Variants in PROKR1 observed in about 807,000 individuals in gnomAD.
The protein encoded by PROKR1 is prokineticin receptor 1.
PROKR1 carries 21 observed loss-of-function variants against 22.8 expected under a neutral mutation model. That is an observed-to-expected ratio of 0.92 (90% CI 0.65 to 1.32). The LOEUF (loss-of-function observed/expected upper bound fraction) is 1.32. Among genes scored for constraint, PROKR1 ranks in the 40% most tolerant of loss-of-function variants. PROKR1 has a pLI of 0.00. For missense variants in PROKR1, 548 were observed against 514.2 expected, an observed-to-expected ratio of 1.07 and a Z score of -0.64; for synonymous variants, 193 against 207.5, an observed-to-expected ratio of 0.93 and a Z score of 0.60.
At chr2:68,652,972 T>C (rs1211898375) in intron 2 of PROKR1, among the ~76,000 whole-genome samples, 2 of 152,238 alleles carry the variant, frequency 1.3e-5, no homozygotes, top group African/African-American at 2.4e-5. Context: ...AATTATGTGG[T>C]GAAAATTCTT....
At position 68,655,654 on chromosome 2, in the gene PROKR1, C is replaced by T; in HGVS notation, c.*78C>T. On this transcript the variant is annotated 3_prime_UTR_variant, in exon 3 of 3. Transcript: ENST00000303786. The stretch of plus-strand genomic sequence containing the variant: ...CTAGTGTGCTTGGATGCACATCAAC[C>T]TGGAACTTTTTGTTTGCTGCAGAGG... The T allele has an allele frequency of 7.0e-7, 1 of 1,419,758 alleles. No homozygotes were observed. Among genetic ancestry groups the T allele is most frequent in the Non-Finnish European group, 9.8e-7 (1 of 1,024,524 alleles). The allele number at this position is 1,419,758 out of a possible 1,614,324, so 87.9% of individuals were successfully genotyped here.
At position 68,655,040 on chromosome 2, in the gene PROKR1, T is replaced by G; in HGVS notation, c.646T>G (p.Phe216Val). The change falls in exon 3 of 3, where the codon TTC (phenylalanine) becomes GTC (valine). Residue 216 changes from phenylalanine (F) to valine (V), a missense_variant. By Grantham distance (50) the Phe-to-Val change is conservative. Coordinates refer to ENST00000303786, the MANE Select transcript of PROKR1 (RefSeq NM_138964.4). ...LVIVKSQEKI[F>V]CGQIWPVDQQ... ...CATTGTCAAGAGCCAGGAAAAGATC[T>G]TCTGCGGCCAGATCTGGCCTGTGGA... is the stretch of plus-strand genomic sequence containing the variant. 6.2e-7 allele frequency: 1 copy of G among 1,613,710 alleles called. No homozygotes were observed. Among genetic ancestry groups the G allele is most frequent in the Non-Finnish European group, 8.5e-7 (1 of 1,179,960 alleles).
intron 2 of PROKR1, among the ~76,000 whole-genome samples, chr2:68,653,379 T>C: frequency 6.6e-6 from 1 of 151,560 alleles, no homozygotes; most frequent in East Asian, 1.9e-4. Flanking sequence ...TAGGCTTGAC[T>C]GCCCAGGCTG....
intron 2 of PROKR1, among the ~76,000 whole-genome samples, chr2:68,647,051 AAAATAAAT>A (rs1219922790): frequency 6.6e-6 from 1 of 152,158 alleles, no homozygotes; most frequent in South Asian, 2.1e-4. Flanking sequence ...TTGTCTCTAA[AAAATAAAT>A]AAATAAATAA....
At chr2:68,650,516 G>A (rs1327495706) in intron 2 of PROKR1, among the ~76,000 whole-genome samples, 1 of 152,188 alleles carries the variant, frequency 6.6e-6, no homozygotes, top group African/African-American at 2.4e-5. Flanking sequence ...TTACAGGTGT[G>A]AGCCACTGTG....
intron 2 of PROKR1, among the ~76,000 whole-genome samples, chr2:68,648,276 G>A (rs1673234925): frequency 6.6e-6 from 1 of 152,172 alleles, no homozygotes; most frequent in South Asian, 2.1e-4. Flanking sequence ...GAACATGTAA[G>A]AGTGATATCT....
intron 1 of PROKR1, among the ~76,000 whole-genome samples, chr2:68,644,850 C>T (rs1240876217): frequency 6.6e-6 from 1 of 152,124 alleles, no homozygotes; most frequent in Non-Finnish European, 1.5e-5. Flanking sequence ...ACCCCTCACC[C>T]CAGCCCCATT....
In PROKR1 at chr2:68,646,054, T is replaced by C. The variant is rs1266802523; in HGVS notation, c.233T>C (p.Ile78Thr). The C allele has an allele frequency of 1.2e-6, 2 of 1,614,158 alleles. No individual in the cohort carries two copies. Among genetic ancestry groups the C allele is most frequent in the African/African-American group, 2.7e-5 (2 of 74,942 alleles). The change falls in exon 2 of 3, where the codon ATT becomes ACT. Residue 78 changes from isoleucine (I) to threonine (T), a missense_variant. Ile to Thr is a moderately conservative substitution (Grantham distance 89). Transcript: ENST00000303786. Reference sequence around the variant, plus strand: ...GTGGGCATCATGCTGGTCTGCGGCATTGGAAACTTCATCTTTATCGCTGCC... The same window carrying C: ...GTGGGCATCATGCTGGTCTGCGGCACTGGAAACTTCATCTTTATCGCTGCC... Reference protein sequence around the residue: ...ALVGIMLVCGIGNFIFIAALV... With the variant: ...ALVGIMLVCGTGNFIFIAALV...
intron 2 of PROKR1, among the ~76,000 whole-genome samples, chr2:68,647,834 G>A (rs1333743954): frequency 6.6e-6 from 1 of 151,848 alleles, no homozygotes; most frequent in Non-Finnish European, 1.5e-5. Context: ...TTACCTGGAG[G>A]CCAAATTCCC....
rs927884549 is a variant in PROKR1, at chr2:68,655,783, A to G, written c.*207A>G. 18 of 610,324 alleles carry G rather than the reference A, an allele frequency of 2.9e-5. No homozygotes were observed. The highest frequency in any genetic ancestry group is 8.5e-5 in the Admixed American group (3 of 35,472). 37.8% of individuals were successfully genotyped at this position (610,324 alleles called of 1,614,324 possible). A position where few individuals can be genotyped will look rare whatever the true frequency, so the allele number is the denominator to read the frequency against. On this transcript the variant is annotated 3_prime_UTR_variant, in exon 3 of 3. Transcript: ENST00000303786. ...CAACAGTGGCATTTGCTGAATGTCT[A>G]ATTTACACGCCAGTAGGTACTGGTA...
chr2:68,645,480 C>A (rs1673155791), intron 1 of PROKR1, among the ~76,000 whole-genome samples, 182 bp from the exon 2 acceptor site: 1 of 152,214 alleles, frequency 6.6e-6, no homozygotes, highest in African/African-American at 2.4e-5. Flanking sequence ...TAGCAATCCA[C>A]CCTTCCCTAA....
intron 2 of PROKR1, among the ~76,000 whole-genome samples, chr2:68,654,655 G>A (rs542855570): frequency 6.6e-5 from 10 of 152,048 alleles, no homozygotes; most frequent in South Asian, 2.1e-4. Flanking sequence ...AAAAATTAGC[G>A]CGTGTGGTGC....
intron 2 of PROKR1, among the ~76,000 whole-genome samples, chr2:68,647,745 C>T (rs193014198): frequency 2.6e-5 from 4 of 152,278 alleles, no homozygotes; most frequent in African/African-American, 9.6e-5. Context: ...CTTGGTCTGT[C>T]CCCGTAGATC....
intron 2 of PROKR1, among the ~76,000 whole-genome samples, chr2:68,651,625 T>A (rs1183073909): frequency 6.6e-6 from 1 of 152,166 alleles, no homozygotes; most frequent in Non-Finnish European, 1.5e-5. Context: ...GGTGAGCTCA[T>A]TAGTCAGGGC....
chr2:68,655,660 C>CT lies in PROKR1; in HGVS notation c.*89dup. On this transcript the variant is annotated 3_prime_UTR_variant, in exon 3 of 3. Transcript: ENST00000303786. ...TGCTTGGATGCACATCAACCTGGAA[C>CT]TTTTTGTTTGCTGCAGAGGGTAAAG... is the stretch of plus-strand genomic sequence containing the variant. 8 of 1,368,328 alleles carry CT rather than the reference C, an allele frequency of 5.8e-6. No individual in the cohort carries two copies. The highest frequency in any genetic ancestry group is 8.1e-6 in the Non-Finnish European group (8 of 981,624). 84.8% of individuals were successfully genotyped at this position (1,368,328 alleles called of 1,614,324 possible).
chr2:68,646,993 A>T (rs757028083), intron 2 of PROKR1, among the ~76,000 whole-genome samples: 2 of 152,184 alleles, frequency 1.3e-5, no homozygotes, highest in Non-Finnish European at 1.5e-5. Context: ...GGCTGCAGTG[A>T]GCTATGTTCA....
At position 68,643,789 on chromosome 2, in the gene PROKR1, C is replaced by T. The variant is rs907051155; in HGVS notation, c.-220C>T. On this transcript the variant is annotated 5_prime_UTR_variant, in exon 1 of 3. Coordinates refer to ENST00000303786, the MANE Select transcript of PROKR1 (RefSeq NM_138964.4). ...TGCCGGCTTCTGGAAGAAGCGTCTC[C>T]TGATCCGGCCCCGGAATAAGAAACC... The T allele has an allele frequency of 2.0e-5, 3 of 152,328 alleles. No individual in the cohort carries two copies. Among genetic ancestry groups the T allele is most frequent in the African/African-American group, 7.2e-5 (3 of 41,472 alleles). The allele number at this position is 152,328 out of a possible 1,614,324, so 9.4% of individuals were successfully genotyped here.
intron 2 of PROKR1, among the ~76,000 whole-genome samples, chr2:68,652,114 A>T (rs1274523269): frequency 1.3e-5 from 2 of 152,192 alleles, no homozygotes; most frequent in African/African-American, 2.4e-5. Flanking sequence ...CTTTGCAGCA[A>T]GATGTGGGTC....
chr2:68,652,798 A>G (rs1191041976), intron 2 of PROKR1, among the ~76,000 whole-genome samples: 1 of 152,212 alleles, frequency 6.6e-6, no homozygotes, highest in Non-Finnish European at 1.5e-5. Context: ...TACAGGGATA[A>G]GAAAAATGAC....
Sources: gnomAD v4.1 joint callset for allele counts (sites outside exome capture counted in the v4.1 genomes callset) on GRCh38, gnomAD v4.1.1 for gene constraint, MANE v1.5 for transcripts, NCBI Gene and HGNC (gene_info 2026-07-23, HGNC 2026-07-21) for gene names.